Variants in FRMD4A observed in about 807,000 individuals in gnomAD.
FRMD4A encodes FERM domain-containing protein 4A.
Under a neutral mutation model 129.1 loss-of-function variants are expected in FRMD4A, and 29 were observed. The ratio of observed to expected loss-of-function variants is 0.22; its 90% CI spans 0.17 to 0.31. The LOEUF is 0.31. FRMD4A is among the 10% of genes least tolerant of loss of function. The probability of loss-of-function intolerance (pLI) is 1.00; values close to 1 mark genes in which losing one functional copy is unlikely to be tolerated. For synonymous variants in FRMD4A, 634 were observed against 571.6 expected, an observed-to-expected ratio of 1.11 and a Z score of -1.56; for missense variants, 1,272 against 1,375.8, an observed-to-expected ratio of 0.92 and a Z score of 1.19.
At chr10:14,010,610 C>T (rs1317446110) in intron 2 of FRMD4A, among the ~76,000 whole-genome samples, 1 of 144,276 alleles carries the variant, frequency 6.9e-6, no homozygotes, top group African/African-American at 2.5e-5. Flanking sequence ...TTCTGATTGT[C>T]TTGCCATGGG....
chr10:13,678,986 A>T (rs2084242012), intron 15 of FRMD4A, among the ~76,000 whole-genome samples: 1 of 152,126 alleles, frequency 6.6e-6, no homozygotes, highest in Non-Finnish European at 1.5e-5. Context: ...ACAGTGCTAT[A>T]GGACACTCGA....
intron 2 of FRMD4A, among the ~76,000 whole-genome samples, chr10:14,324,734 C>T (rs1426914074): frequency 6.6e-6 from 1 of 152,192 alleles, no homozygotes; most frequent in Admixed American, 6.5e-5. Context: ...GATCTCGGCT[C>T]ACGGCAACCT....
chr10:14,098,243 GTC>G (rs1465139719), intron 2 of FRMD4A, among the ~76,000 whole-genome samples: 1 of 150,676 alleles, frequency 6.6e-6, no homozygotes, highest in Non-Finnish European at 1.5e-5. Flanking sequence ...CCTAATTCCT[GTC>G]TCTGCTCTAG....
In FRMD4A at chr10:14,174,879, C is replaced by G. The variant is rs11258913; in HGVS notation, c.45+155179G>C. 1.6e-3 allele frequency among the ~76,000 whole-genome samples: 142 copies of G among 87,588 alleles called. 4 individuals are homozygous for G. Among genetic ancestry groups the G allele is most frequent in the South Asian group, 5.6e-3 (13 of 2,328 alleles). 57.5% of individuals were successfully genotyped at this position (87,588 alleles called of 152,430 possible). ...ATTAAAAAAAAAAGTGTGTGTGTGTCTGTGTGTGTGTGTGTGTGTGTGTGT... is the reference window on the plus strand; with the variant it reads ...ATTAAAAAAAAAAGTGTGTGTGTGTGTGTGTGTGTGTGTGTGTGTGTGTGT... On this transcript the variant is annotated intron_variant, in intron 2 of 24. Coordinates refer to ENST00000357447, the MANE Select transcript of FRMD4A (RefSeq NM_018027.5).
chr10:14,052,596 T>C (rs927473340), intron 2 of FRMD4A, among the ~76,000 whole-genome samples: 2 of 152,110 alleles, frequency 1.3e-5, no homozygotes, highest in African/African-American at 4.8e-5. Context: ...CTCACTCTGG[T>C]CACCCAGGCT....
chr10:13,877,088 C>A (rs1318115578), intron 2 of FRMD4A, among the ~76,000 whole-genome samples: 1 of 152,116 alleles, frequency 6.6e-6, no homozygotes, highest in African/African-American at 2.4e-5. Context: ...CATAAACAAT[C>A]TTCTTTGTAT....
rs571157732 is a variant in FRMD4A, at chr10:13,693,662, T to C, written c.1117+236A>G. ...CTTAAGTGTGACCAGCAGGCCTTCT[T>C]GCACTGCGTGGTTCTACTGATGCTT... On this transcript the variant is annotated intron_variant, in intron 15 of 24. Transcript: ENST00000357447. 23 of 646,490 alleles carry C rather than the reference T, an allele frequency of 3.6e-5. No individual in the cohort carries two copies. The East Asian group carries it at 8.2e-4, about 23-fold the overall frequency. The allele number at this position is 646,490 out of a possible 1,614,324, so 40.0% of individuals were successfully genotyped here.
chr10:13,848,401 G>T (rs561933386), intron 3 of FRMD4A, among the ~76,000 whole-genome samples: 1 of 150,160 alleles, frequency 6.7e-6, no homozygotes, highest in African/African-American at 2.5e-5. Context: ...TGGTTTCAAT[G>T]AATACATTTT....
intron 2 of FRMD4A, among the ~76,000 whole-genome samples, chr10:14,211,549 T>C (rs1404122339): frequency 6.6e-6 from 1 of 152,064 alleles, no homozygotes; most frequent in Non-Finnish European, 1.5e-5. Flanking sequence ...CAAGAGCCAG[T>C]TCCTATTTCT....
chr10:14,045,529 T>TA (rs1207295509), intron 2 of FRMD4A, among the ~76,000 whole-genome samples: 3 of 151,592 alleles, frequency 2.0e-5, no homozygotes, highest in Admixed American at 2.0e-4. Context: ...TAACCATAAA[T>TA]ATGTATCGTT....
intron 2 of FRMD4A, among the ~76,000 whole-genome samples, chr10:14,173,337 A>C (rs1294533450): frequency 6.6e-6 from 1 of 151,790 alleles, no homozygotes; most frequent in Non-Finnish European, 1.5e-5. Context: ...GTGAAAAAGC[A>C]AACTCCAGCC....
chr10:14,208,012 C>T (rs1842834929), intron 2 of FRMD4A, among the ~76,000 whole-genome samples: 1 of 151,934 alleles, frequency 6.6e-6, no homozygotes, highest in African/African-American at 2.4e-5. Context: ...ACCAGGGCAA[C>T]ACAGTGAGAC....
chr10:13,842,231 A>G (rs548399673), intron 3 of FRMD4A, among the ~76,000 whole-genome samples: 34 of 152,282 alleles, frequency 2.2e-4, no homozygotes, highest in African/African-American at 7.7e-4. Flanking sequence ...ACCCATTTCT[A>G]TGCTCTCCTT....
At chr10:13,771,983 G>T (rs1001012329) in intron 6 of FRMD4A, among the ~76,000 whole-genome samples, 1 of 151,398 alleles carries the variant, frequency 6.6e-6, no homozygotes, top group East Asian at 1.9e-4. Flanking sequence ...GTGTGGTGTC[G>T]CATGCCCATA....
At chr10:13,815,557 A>G (rs1398041752) in intron 3 of FRMD4A, among the ~76,000 whole-genome samples, 1 of 152,250 alleles carries the variant, frequency 6.6e-6, no homozygotes, top group East Asian at 1.9e-4. Flanking sequence ...TTGATGTTAC[A>G]TGTATTTTGA....
chr10:14,204,109 G>C (rs1842713518), intron 2 of FRMD4A, among the ~76,000 whole-genome samples: 1 of 152,168 alleles, frequency 6.6e-6, no homozygotes, highest in African/African-American at 2.4e-5. Flanking sequence ...CCGAAAGGAA[G>C]AAAGGAGAGA....
intron 12 of FRMD4A, among the ~76,000 whole-genome samples, chr10:13,716,462 A>T: frequency 6.6e-6 from 1 of 152,218 alleles, no homozygotes; most frequent in Non-Finnish European, 1.5e-5. Context: ...GCACTGAAAG[A>T]GGCATCTATC....
At chr10:14,021,489 C>T (rs1201872990) in intron 2 of FRMD4A, among the ~76,000 whole-genome samples, 4 of 151,930 alleles carry the variant, frequency 2.6e-5, no homozygotes, top group Admixed American at 6.6e-5. Context: ...CCCAGGAGGT[C>T]GAGGCTGCAG....
chr10:13,661,681 G>C (rs371543049), intron 19 of FRMD4A, among the ~76,000 whole-genome samples: 5 of 152,254 alleles, frequency 3.3e-5, no homozygotes, highest in African/African-American at 9.6e-5. Flanking sequence ...AGAGAGACTA[G>C]AGAGGGGGAT....
Sources: gnomAD v4.1 joint callset for allele counts (sites outside exome capture counted in the v4.1 genomes callset) on GRCh38, gnomAD v4.1.1 for gene constraint, MANE v1.5 for transcripts, NCBI Gene and HGNC (gene_info 2026-07-23, HGNC 2026-07-21) for gene names.